The following PDE1A variants were observed in gnomAD, a reference collection of about 807,000 sequenced individuals.
PDE1A encodes the protein dual specificity calcium/calmodulin-dependent 3',5'-cyclic nucleotide phosphodiesterase 1A.
In PDE1A, 35 loss-of-function variants were observed where a neutral mutation model predicts 61.7. The ratio of observed to expected loss-of-function variants is 0.57; its 90% confidence interval spans 0.43 to 0.75. The LOEUF is 0.75. Ranked by LOEUF, PDE1A falls within the 30% of genes least tolerant of loss-of-function variation. PDE1A has a pLI of 0.00. For synonymous variants in PDE1A, 232 were observed against 213.2 expected (o/e 1.09, Z -0.77); for missense variants, 597 against 630.6 (o/e 0.95, Z 0.57).
intron 1 of PDE1A, among the ~76,000 whole-genome samples, chr2:182,308,732 G>C (rs1482571557): frequency 1.3e-5 from 2 of 151,982 alleles, no homozygotes; most frequent in Non-Finnish European, 2.9e-5. Context: ...GAGTTATAAA[G>C]TATGAAAGCC....
At chr2:182,356,217 G>A (rs1222020940) in intron 1 of PDE1A, among the ~76,000 whole-genome samples, 1 of 152,096 alleles carries the variant, frequency 6.6e-6, no homozygotes, top group Admixed American at 6.6e-5. Flanking sequence ...GGCTGAGGCA[G>A]GAGGATCACT....
chr2:182,616,528 C>G, the PDE1A span, among the ~76,000 whole-genome samples: 3 of 152,216 alleles, frequency 2.0e-5, no homozygotes, highest in East Asian at 5.8e-4. Context: ...CTCAGCAACT[C>G]CAATAGAAAA....
chr2:182,507,149 A>G (rs1197240920), intron 2 of PDE1A, among the ~76,000 whole-genome samples: 1 of 152,186 alleles, frequency 6.6e-6, no homozygotes, highest in African/African-American at 2.4e-5. Flanking sequence ...CTATTAGTTC[A>G]AAGAAATAAA....
the PDE1A span, among the ~76,000 whole-genome samples, chr2:182,699,788 G>C: frequency 1.3e-5 from 2 of 152,164 alleles, no homozygotes; most frequent in African/African-American, 4.8e-5. Context: ...TTAAAAACAT[G>C]TTTTCTTAAA....
the PDE1A span, among the ~76,000 whole-genome samples, chr2:182,652,417 G>T: frequency 1.3e-5 from 2 of 152,016 alleles, no homozygotes; most frequent in South Asian, 4.1e-4. Flanking sequence ...TATTTCAACT[G>T]CCTATTTTAC....
At chr2:182,576,396 C>T in the PDE1A span, among the ~76,000 whole-genome samples, 2 of 152,100 alleles carry the variant, frequency 1.3e-5, no homozygotes, top group African/African-American at 4.8e-5. Flanking sequence ...TGTTAGTATT[C>T]ATTTCTTTTT....
At chr2:182,709,537 T>C in the PDE1A span, among the ~76,000 whole-genome samples, 1 of 152,240 alleles carries the variant, frequency 6.6e-6, no homozygotes, top group Admixed American at 6.5e-5. Flanking sequence ...TTATAATATA[T>C]TGTGATAAAT....
chr2:182,698,540 ATTATG>A, the PDE1A span, among the ~76,000 whole-genome samples: 3 of 152,242 alleles, frequency 2.0e-5, no homozygotes, highest in Non-Finnish European at 4.4e-5. Flanking sequence ...GCTTATAAAG[ATTATG>A]TTATAACATG....
exon 2 of PDE1A, chr2:182,264,338 C>T (rs1476116222): frequency 4.3e-6 from 7 of 1,613,126 alleles, no homozygotes; most frequent in African/African-American, 4.0e-5. Context: ...AGCACAGATG[C>T]CGCATATTCA....
chr2:182,174,065 G>A (rs939633565), intron 13 of PDE1A, among the ~76,000 whole-genome samples: 3 of 152,028 alleles, frequency 2.0e-5, no homozygotes, highest in East Asian at 1.9e-4. Context: ...ACAGAGACCC[G>A]TGAGATAAAA....
chr2:182,200,982 A>AT (rs959253710), intron 10 of PDE1A, among the ~76,000 whole-genome samples: 3 of 152,072 alleles, frequency 2.0e-5, no homozygotes, highest in African/African-American at 7.2e-5. Flanking sequence ...GTAACATTAG[A>AT]TTTTTGTTGT....
the PDE1A span, among the ~76,000 whole-genome samples, chr2:182,634,887 T>G: frequency 1.9e-4 from 29 of 152,298 alleles, no homozygotes; most frequent in Admixed American, 8.5e-4. Context: ...TGGAACCTGT[T>G]CCAGAAATAT....
chr2:182,682,904 G>T, the PDE1A span, among the ~76,000 whole-genome samples: 22 of 152,246 alleles, frequency 1.4e-4, no homozygotes, highest in African/African-American at 4.8e-4. Context: ...GACTGTGTGT[G>T]TGTAGGGGTG....
intron 2 of PDE1A, among the ~76,000 whole-genome samples, chr2:182,483,639 A>G (rs1033577287): frequency 7.9e-5 from 12 of 151,912 alleles, no homozygotes; most frequent in Admixed American, 6.6e-4. Flanking sequence ...AGATATACCT[A>G]AAGCAGTGTT....
rs543859953 is a variant in PDE1A at position 182,385,327 on chromosome 2, A to G, written c.53+41251T>C. 2.6e-5 allele frequency among the ~76,000 whole-genome samples: 4 copies of G among 152,326 alleles called. No homozygotes were observed. In the East Asian group the frequency reaches 7.7e-4, roughly 29 times the overall value. ...ACTTCAGTGCGAAGGTTGACAGTCA[A>G]AACTATTAAAAATAATAATAGCAAC... On this transcript the variant is annotated intron_variant, in intron 1 of 13. Coordinates refer to ENST00000351439, the Ensembl canonical transcript of PDE1A.
At chr2:182,552,924 C>T in the PDE1A span, among the ~76,000 whole-genome samples, 68 of 152,302 alleles carry the variant, frequency 4.5e-4, no homozygotes, top group African/African-American at 1.6e-3. Flanking sequence ...TGTTTGCCGC[C>T]CTCGCAGACC....
the PDE1A span, among the ~76,000 whole-genome samples, chr2:182,642,133 T>A: frequency 6.6e-6 from 1 of 152,174 alleles, no homozygotes; most frequent in Non-Finnish European, 1.5e-5. Context: ...ATCCTGCAAA[T>A]TATTTGTAGT....
At chr2:182,374,751 C>T (rs796928186) in intron 1 of PDE1A, among the ~76,000 whole-genome samples, 7 of 152,168 alleles carry the variant, frequency 4.6e-5, no homozygotes, top group African/African-American at 9.7e-5. Context: ...AAGGGAAATA[C>T]AAATTAAATC....
At chr2:182,168,307 C>G (rs201224430) in intron 13 of PDE1A, 2 of 1,488,258 alleles carry the variant, frequency 1.3e-6, no homozygotes, top group Non-Finnish European at 1.8e-6. Flanking sequence ...AAAAAAAAAG[C>G]GTACTTATTT....
Sources: gnomAD v4.1 joint callset for allele counts (sites outside exome capture counted in the v4.1 genomes callset) on GRCh38, gnomAD v4.1.1 for gene constraint, MANE v1.5 for transcripts, NCBI Gene and HGNC (gene_info 2026-07-23, HGNC 2026-07-21) for gene names.